TCF7L1: variants seen among roughly 807,000 people sequenced by gnomAD.
The protein encoded by TCF7L1 is transcription factor 7-like 1.
In TCF7L1, 18 loss-of-function variants were observed where a neutral mutation model predicts 63.7. The observed-to-expected ratio is 0.28, with a 90% CI of 0.20 to 0.42. The LOEUF (loss-of-function observed/expected upper bound fraction) is 0.42. Ranked by LOEUF, TCF7L1 falls within the 10% of genes least tolerant of loss-of-function variation. The pLI is 1.00. For synonymous variants in TCF7L1, 355 were observed against 340.9 expected, an observed-to-expected ratio of 1.04 and a Z score of -0.46; for missense variants, 654 against 779.3, an observed-to-expected ratio of 0.84 and a Z score of 1.91.
At chr2:85,234,709 A>G (rs72840178) in intron 3 of TCF7L1, among the ~76,000 whole-genome samples, 6,323 of 152,246 alleles carry the variant, frequency 0.042, 143 homozygotes, top group African/African-American at 0.05. Flanking sequence ...CAAAATCACC[A>G]TGATGCTAAG....
chr2:85,250,595 C>A (rs536855005), intron 3 of TCF7L1, among the ~76,000 whole-genome samples: 9 of 152,212 alleles, frequency 5.9e-5, no homozygotes, highest in African/African-American at 1.9e-4. Flanking sequence ...GGCCACCACG[C>A]CTGGCTGATT....
intron 3 of TCF7L1, among the ~76,000 whole-genome samples, chr2:85,158,012 A>G (rs1051403659): frequency 6.6e-6 from 1 of 152,236 alleles, no homozygotes; most frequent in Admixed American, 6.5e-5. Flanking sequence ...AGAATGCTAC[A>G]TGGCGGACAG....
intron 3 of TCF7L1, among the ~76,000 whole-genome samples, chr2:85,194,288 G>A (rs1470728333): frequency 2.0e-5 from 3 of 152,140 alleles, no homozygotes; most frequent in Non-Finnish European, 1.5e-5. Context: ...AGCACTTTGG[G>A]GAGGCCAAGG....
At chr2:85,281,755 T>C (rs1401064502) in intron 3 of TCF7L1, among the ~76,000 whole-genome samples, 3 of 152,170 alleles carry the variant, frequency 2.0e-5, no homozygotes, top group African/African-American at 7.2e-5. Context: ...CCATCCCATG[T>C]GCTAGTCTGG....
At chr2:85,190,275 G>A (rs1284958867) in intron 3 of TCF7L1, among the ~76,000 whole-genome samples, 1 of 152,110 alleles carries the variant, frequency 6.6e-6, no homozygotes, top group Admixed American at 6.5e-5. Context: ...GAAAAGACTG[G>A]GCTCACCTCT....
At chr2:85,295,263 G>A (rs1488744389) in intron 4 of TCF7L1, among the ~76,000 whole-genome samples, 4 of 151,804 alleles carry the variant, frequency 2.6e-5, no homozygotes, top group African/African-American at 7.3e-5. Context: ...GTGCAATGAC[G>A]CGATCTTGGC....
At position 85,245,801 on chromosome 2, in the gene TCF7L1, C is replaced by T. The variant is rs189127837; in HGVS notation, c.442-37694C>T. Among the ~76,000 whole-genome samples, 428 of 148,512 alleles carry T rather than the reference C, an allele frequency of 2.9e-3. 2 individuals carry two copies. The highest frequency in any genetic ancestry group is 1.0e-2 in the African/African-American group (401 of 40,200). On this transcript the variant is annotated intron_variant, in intron 3 of 11. Coordinates refer to ENST00000282111, the MANE Select transcript of TCF7L1 (RefSeq NM_031283.3). ...CTGCATTCCGGCCTGGGCAACAGAG[C>T]GAGACTCCATCTCAAAAAAAAATTA... is the stretch of plus-strand genomic sequence containing the variant.
intron 3 of TCF7L1, among the ~76,000 whole-genome samples, chr2:85,239,941 A>G (rs1391801218): frequency 2.2e-4 from 20 of 89,568 alleles, no homozygotes; most frequent in African/African-American, 8.2e-4. Flanking sequence ...GCGAGACTCC[A>G]TCTAAAAAAA....
chr2:85,162,420 G>A lies in TCF7L1; in HGVS notation c.441+27970G>A, dbSNP rs917223497. On this transcript the variant is annotated intron_variant, in intron 3 of 11. Coordinates refer to ENST00000282111, the MANE Select transcript of TCF7L1 (RefSeq NM_031283.3). ...GCTCTGTGGATCCAGGTAGAAGGCA[G>A]CCCCTGCTGGAAGGTCAGGCACTAC... 2.6e-5 allele frequency among the ~76,000 whole-genome samples: 4 copies of A among 152,256 alleles called. No individual in the cohort carries two copies. The East Asian group carries it at 7.7e-4, about 29-fold the overall frequency.
Position 85,309,069 on chromosome 2 carries a change from C to A in TCF7L1, c.1374C>A (p.Tyr458Ter). The A allele has an allele frequency of 6.2e-7, 1 of 1,612,242 alleles. No individual in the cohort carries two copies. Residue 458 changes from tyrosine (Y) to a stop codon, truncating the protein, a stop_gained, in exon 12 of 12, where the codon TAC becomes TAA. Coordinates refer to ENST00000282111, the MANE Select transcript of TCF7L1 (RefSeq NM_031283.3). LOFTEE classifies it high-confidence loss of function. ...ASKSKKPCVQ[Y>*]LPPEKPCDSP... is the part of the protein sequence containing the mutation. Reference sequence around the variant, plus strand: ...AGAGCAAGAAGCCATGTGTTCAGTACCTGCCCCCCGAGAAGCCCTGTGACA... The same window carrying A: ...AGAGCAAGAAGCCATGTGTTCAGTAACTGCCCCCCGAGAAGCCCTGTGACA...
At position 85,309,490 on chromosome 2, in the gene TCF7L1, C is replaced by A; in HGVS notation, c.*28C>A. On this transcript the variant is annotated 3_prime_UTR_variant, in exon 12 of 12. Transcript: ENST00000282111. ...TCCCCCCGACCCCTGCAGGCTGTCA[C>A]ATGACTCATTGAGTAGTAATGATTC... 1 of 1,514,300 alleles carries A rather than the reference C, an allele frequency of 6.6e-7. No individual in the cohort carries two copies. Among genetic ancestry groups the A allele is most frequent in the Non-Finnish European group, 8.8e-7 (1 of 1,132,286 alleles). The allele number at this position is 1,514,300 out of a possible 1,614,324, so 93.8% of individuals were successfully genotyped here.
intron 3 of TCF7L1, among the ~76,000 whole-genome samples, chr2:85,200,093 T>C (rs1679240306): frequency 6.6e-6 from 1 of 152,252 alleles, no homozygotes; most frequent in South Asian, 2.1e-4. Context: ...CATTCCATTT[T>C]ATTTTTGGAT....
At chr2:85,155,006 G>A (rs1250021109) in intron 3 of TCF7L1, among the ~76,000 whole-genome samples, 5 of 152,024 alleles carry the variant, frequency 3.3e-5, no homozygotes, top group Admixed American at 3.3e-4. Flanking sequence ...TAGTAAAGAC[G>A]GGGTTTCACC....
chr2:85,295,775 CTTTT>C (rs56373561), intron 4 of TCF7L1, among the ~76,000 whole-genome samples: 1 of 100,884 alleles, frequency 9.9e-6, no homozygotes, highest in African/African-American at 4.1e-5. Context: ...GTAACATTTA[CTTTT>C]TTTTTTTTTT....
At chr2:85,243,474 G>A (rs1195868555) in intron 3 of TCF7L1, among the ~76,000 whole-genome samples, 3 of 148,252 alleles carry the variant, frequency 2.0e-5, no homozygotes, top group South Asian at 2.1e-4. Context: ...GGGAAGGGAA[G>A]GGGAACATGC....
intron 3 of TCF7L1, among the ~76,000 whole-genome samples, chr2:85,239,227 C>G (rs745428347): frequency 5.9e-5 from 9 of 152,226 alleles, no homozygotes; most frequent in Middle Eastern, 3.4e-3. Flanking sequence ...GGCTGAGGCT[C>G]CCCCTGCAGT....
chr2:85,159,992 G>T (rs1428606536), intron 3 of TCF7L1, among the ~76,000 whole-genome samples: 3 of 152,144 alleles, frequency 2.0e-5, no homozygotes, highest in African/African-American at 4.8e-5. Context: ...CATGGTGGGG[G>T]AGTTCACGCC....
chr2:85,186,668 T>C (rs1346306362), intron 3 of TCF7L1: 1 of 152,228 alleles, frequency 6.6e-6, no homozygotes. Context: ...CTGATGTATC[T>C]GTAACAGGAA....
intron 3 of TCF7L1, among the ~76,000 whole-genome samples, chr2:85,190,634 C>G (rs917016096): frequency 6.6e-6 from 1 of 152,174 alleles, no homozygotes; most frequent in African/African-American, 2.4e-5. Context: ...TGCTAAGGAG[C>G]CTTTGTGTTT....
Sources: allele counts gnomAD v4.1 joint callset (sites outside exome capture counted in the v4.1 genomes callset), GRCh38; gene constraint gnomAD v4.1.1; transcripts MANE v1.5; gene names NCBI Gene and HGNC (gene_info 2026-07-23, HGNC 2026-07-21).